CADM2: variants seen among roughly 807,000 people sequenced by gnomAD.
CADM2 encodes the protein cell adhesion molecule 2, also known as immunoglobulin superfamily member 4D.
In CADM2, 12 loss-of-function variants were observed where a neutral mutation model predicts 49.8. That is an observed-to-expected ratio of 0.24 (90% confidence interval 0.15 to 0.39). CADM2 has a LOEUF of 0.39. CADM2 is among the 10% of genes least tolerant of loss of function. CADM2 has a pLI of 1.00. For synonymous variants in CADM2, 214 were observed against 175.4 expected (o/e 1.22, Z -1.74); for missense variants, 378 against 492.3 (o/e 0.77, Z 2.20).
intron 8 of CADM2, among the ~76,000 whole-genome samples, chr3:86,049,467 G>C (rs572309560): frequency 6.6e-6 from 1 of 151,700 alleles, no homozygotes; most frequent in Admixed American, 6.6e-5. Flanking sequence ...GTAGAGATGG[G>C]GTTTCACCAT....
chr3:85,945,883 C>T (rs1373505842), intron 7 of CADM2, among the ~76,000 whole-genome samples: 3 of 152,036 alleles, frequency 2.0e-5, no homozygotes, highest in Non-Finnish European at 4.4e-5. Flanking sequence ...CAGGGATGCC[C>T]TCTCTCACCA....
chr3:85,551,401 T>C (rs767281358), intron 1 of CADM2, among the ~76,000 whole-genome samples: 2 of 152,158 alleles, frequency 1.3e-5, no homozygotes, highest in Non-Finnish European at 2.9e-5. Context: ...TTATAATTAC[T>C]AAGATTAATA....
chr3:85,820,414 C>G (rs923771911), intron 3 of CADM2, among the ~76,000 whole-genome samples: 1 of 151,980 alleles, frequency 6.6e-6, no homozygotes, highest in Non-Finnish European at 1.5e-5. Context: ...TTAATCCAAG[C>G]AAAAGATGAA....
chr3:85,156,818 A>C (rs1400802455), intron 1 of CADM2, among the ~76,000 whole-genome samples: 1 of 152,194 alleles, frequency 6.6e-6, no homozygotes, highest in Non-Finnish European at 1.5e-5. Flanking sequence ...TATTCAACAT[A>C]GTGTTGGAAG....
Position 85,898,955 on chromosome 3 carries a change from A to ATTTTTT in CADM2, c.529+12651_529+12656dup, listed in dbSNP as rs35857247. Among the ~76,000 whole-genome samples, 33 of 33,916 alleles carry ATTTTTT rather than the reference A, an allele frequency of 9.7e-4. 5 individuals are homozygous for ATTTTTT. The highest frequency in any genetic ancestry group is 1.2e-3 in the Non-Finnish European group (25 of 20,984). 22.3% of individuals were successfully genotyped at this position (33,916 alleles called of 152,430 possible). ...TTATTGTGTATATATATATATATAT[A>ATTTTTT]TTTTTTTTTTTTTTTTTTTTTTTTT... On this transcript the variant is annotated intron_variant, in intron 5 of 9. Coordinates refer to ENST00000383699, the MANE Select transcript of CADM2 (RefSeq NM_001167675.2).
rs1456380865 is a variant in CADM2 at position 85,169,217 on chromosome 3, C to T, written c.61+209549C>T. On this transcript the variant is annotated intron_variant, in intron 1 of 9. Transcript: ENST00000383699. ...CCAGGTTGGCAAGTCTAGTGTCGAA[C>T]TCTTGAACTCAAGTGATCCACTCAC... Among the ~76,000 whole-genome samples, 4 of 152,166 alleles carry T rather than the reference C, an allele frequency of 2.6e-5. No individual in the cohort carries two copies. In the East Asian group the frequency reaches 7.7e-4, roughly 29 times the overall value.
intron 1 of CADM2, among the ~76,000 whole-genome samples, chr3:85,030,247 A>T (rs1405153104): frequency 6.6e-6 from 1 of 152,080 alleles, no homozygotes; most frequent in Non-Finnish European, 1.5e-5. Context: ...AACCTTTCCT[A>T]TGTTAATTTC....
chr3:85,597,127 T>G (rs1169936303), intron 1 of CADM2, among the ~76,000 whole-genome samples: 1 of 152,076 alleles, frequency 6.6e-6, no homozygotes, highest in East Asian at 1.9e-4. Flanking sequence ...ATATGTGATA[T>G]TGTAATGTTT....
rs1447208577 is a variant in CADM2, at chr3:85,446,597, G to GT, written c.62-279919dup. Among the ~76,000 whole-genome samples, 450 of 107,478 alleles carry GT rather than the reference G, an allele frequency of 4.2e-3. 1 individual carries two copies. Among genetic ancestry groups the GT allele is most frequent in the African/African-American group, 8.0e-3 (294 of 36,948 alleles). 70.5% of individuals were successfully genotyped at this position (107,478 alleles called of 152,430 possible). On this transcript the variant is annotated intron_variant, in intron 1 of 9. Transcript: ENST00000383699. Reference sequence around the variant, plus strand: ...AAAAGTGTGTGTGTGAGTTTTTTTTGTTTTTTGTTTTTTTTTTTTTTTGAG... The same window carrying GT: ...AAAAGTGTGTGTGTGAGTTTTTTTTGTTTTTTTGTTTTTTTTTTTTTTTGAG...
intron 1 of CADM2, among the ~76,000 whole-genome samples, chr3:85,251,630 A>G (rs1323282272): frequency 1.3e-5 from 2 of 151,960 alleles, no homozygotes; most frequent in Non-Finnish European, 2.9e-5. Flanking sequence ...CTGAATTTTC[A>G]TTCTTTCTTT....
chr3:85,333,476 C>A (rs1356001070), intron 1 of CADM2, among the ~76,000 whole-genome samples: 5 of 151,688 alleles, frequency 3.3e-5, no homozygotes, highest in Non-Finnish European at 7.4e-5. Flanking sequence ...TCTGTGCATG[C>A]AAATTGGGTA....
At chr3:84,988,370 G>A (rs992922739) in intron 1 of CADM2, among the ~76,000 whole-genome samples, 19 of 152,178 alleles carry the variant, frequency 1.2e-4, no homozygotes, top group Admixed American at 1.3e-4. Flanking sequence ...GCTAATTTGT[G>A]CTATTTTATG....
intron 1 of CADM2, among the ~76,000 whole-genome samples, chr3:85,092,421 A>G (rs2037631825): frequency 6.6e-6 from 1 of 152,208 alleles, no homozygotes; most frequent in African/African-American, 2.4e-5. Context: ...TGGCCAGAGA[A>G]GAAACAATCT....
chr3:85,108,763 T>A (rs906313210), intron 1 of CADM2, among the ~76,000 whole-genome samples: 2 of 152,120 alleles, frequency 1.3e-5, no homozygotes, highest in African/African-American at 4.8e-5. Context: ...CAATAAATTG[T>A]TACAGGAATT....
chr3:85,136,164 A>G (rs1454578725), intron 1 of CADM2, among the ~76,000 whole-genome samples: 2 of 151,988 alleles, frequency 1.3e-5, no homozygotes, highest in Non-Finnish European at 2.9e-5. Context: ...TTTCATGTTT[A>G]GTTAAAGGCA....
intron 1 of CADM2, among the ~76,000 whole-genome samples, chr3:85,699,376 T>G (rs9858648): frequency 0.024 from 3,688 of 152,234 alleles, 125 homozygotes; most frequent in African/African-American, 0.082. Context: ...AACCCCACAT[T>G]TCCTCTCCAC....
At chr3:85,215,071 C>T (rs371190307) in intron 1 of CADM2, among the ~76,000 whole-genome samples, 1 of 151,994 alleles carries the variant, frequency 6.6e-6, no homozygotes, top group Non-Finnish European at 1.5e-5. Context: ...TTGGATCACA[C>T]CTGAAGCCAG....
chr3:85,662,238 T>TG (rs1442038391), intron 1 of CADM2, among the ~76,000 whole-genome samples: 1 of 151,454 alleles, frequency 6.6e-6, no homozygotes, highest in Non-Finnish European at 1.5e-5. Flanking sequence ...GGTGGGTTTT[T>TG]TTTTTTTTTT....
intron 8 of CADM2, among the ~76,000 whole-genome samples, chr3:85,990,623 C>T (rs1728665772): frequency 6.6e-6 from 1 of 152,074 alleles, no homozygotes; most frequent in African/African-American, 2.4e-5. Flanking sequence ...ATTTCACTTG[C>T]TTAAAACAAT....
Sources: gnomAD v4.1 joint callset for allele counts (sites outside exome capture counted in the v4.1 genomes callset) on GRCh38, gnomAD v4.1.1 for gene constraint, MANE v1.5 for transcripts, NCBI Gene and HGNC (gene_info 2026-07-23, HGNC 2026-07-21) for gene names.